The following CFAP43 variants were observed in gnomAD, a reference collection of about 807,000 sequenced individuals.
CFAP43 encodes cilia- and flagella-associated protein 43.
A neutral mutation model predicts 218.9 loss-of-function variants in CFAP43; 155 were observed. The ratio of observed to expected loss-of-function variants is 0.71; its 90% confidence interval spans 0.62 to 0.81. CFAP43 has a LOEUF of 0.81. Ranked by LOEUF, CFAP43 falls within the 30% of genes least tolerant of loss-of-function variation. The pLI, the probability that CFAP43 is intolerant of heterozygous loss-of-function variation, is 0.00. For missense variants in CFAP43, 1,778 were observed against 1,954.3 expected (o/e 0.91, Z 1.70); for synonymous variants, 645 against 681.3 (o/e 0.95, Z 0.83).
In CFAP43 at chr10:104,190,723, C is replaced by T. The variant is rs559531398; in HGVS notation, c.1546+1476G>A. ...GGAGTCATCACTTATCCCTTCCTTT[C>T]GCATCAAATACCAAGTCCTACCAAT... On this transcript the variant is annotated intron_variant, in intron 12 of 37. Coordinates refer to ENST00000357060, the MANE Select transcript of CFAP43 (RefSeq NM_025145.7). Among the ~76,000 whole-genome samples, 6 of 152,322 alleles carry T rather than the reference C, an allele frequency of 3.9e-5. No individual in the cohort carries two copies. In the South Asian group the frequency reaches 6.2e-4, roughly 16 times the overall value.
At chr10:104,155,506 C>T (rs1247949123) in intron 27 of CFAP43, among the ~76,000 whole-genome samples, 9 of 152,032 alleles carry the variant, frequency 5.9e-5, no homozygotes, top group Admixed American at 1.3e-4. Context: ...ACTATATAAC[C>T]GTCTTCACTC....
chr10:104,194,687 AAG>A (rs1375940200), intron 10 of CFAP43, among the ~76,000 whole-genome samples: 2 of 152,264 alleles, frequency 1.3e-5, no homozygotes, highest in Admixed American at 1.3e-4. Flanking sequence ...TATGATGTCT[AAG>A]AGAATAAATT....
At position 104,131,356 on chromosome 10, in the gene CFAP43, C is replaced by T. The variant is rs1376555733; in HGVS notation, c.4806G>A (p.Glu1602=). The change falls in exon 37 of 38, where the codon GAG becomes GAA. Residue 1602 remains glutamate, a synonymous_variant. Transcript: ENST00000357060. ...NLREELVAVS[E]RKDICNAMGS... is the part of the protein sequence containing the mutation. ...CCATTGCATTACAGATGTCTTTTCT[C>T]TCTGAGACAGCTACCAACTCTTCTC... The T allele has an allele frequency of 6.2e-7, 1 of 1,612,870 alleles. No homozygotes were observed.
At chr10:104,188,228 T>C in intron 13 of CFAP43, 42 bp downstream of exon 13, 1 of 1,602,164 alleles carries the variant, frequency 6.2e-7, no homozygotes, top group South Asian at 1.1e-5. Context: ...CAACAATGTA[T>C]CTGGGCTCAG....
chr10:104,136,659 A>T (rs1263979499), intron 34 of CFAP43, among the ~76,000 whole-genome samples: 2 of 152,142 alleles, frequency 1.3e-5, no homozygotes, highest in Non-Finnish European at 2.9e-5. Flanking sequence ...GAGCCACCGC[A>T]CACGGCCTGA....
Position 104,132,139 on chromosome 10 carries a change from G to A in CFAP43, c.4654C>T (p.Gln1552Ter). 1 of 1,604,872 alleles carries A rather than the reference G, an allele frequency of 6.2e-7. No individual in the cohort carries two copies. Among genetic ancestry groups the A allele is most frequent in the South Asian group, 1.1e-5 (1 of 88,498 alleles). The change falls in exon 36 of 38, where the codon CAA becomes TAA. Residue 1552 changes from glutamine (Q) to a stop codon, truncating the protein, a stop_gained. Coordinates refer to ENST00000357060, the MANE Select transcript of CFAP43 (RefSeq NM_025145.7). LOFTEE classifies it high-confidence loss of function. ...ACCTTATCTAAAACAGCAATGGTTTGTTCCATTATTCCAATCTGAATACTA... is the reference window on the plus strand; with the variant it reads ...ACCTTATCTAAAACAGCAATGGTTTATTCCATTATTCCAATCTGAATACTA... ...LISIQIGIME[Q>*]TIAVLDKMHK...
At position 104,180,774 on chromosome 10, in the gene CFAP43, C is replaced by T. The variant is rs1589719201; in HGVS notation, c.2290-842G>A. 2.0e-5 allele frequency among the ~76,000 whole-genome samples: 3 copies of T among 152,078 alleles called. No homozygotes were observed. In the South Asian group the frequency reaches 6.2e-4, roughly 32 times the overall value. ...GCCCACCACCCTGTTTCTATGCTCC[C>T]CTTTGCAGCAAAATGTCTTGAAAGA... On this transcript the variant is annotated intron_variant, in intron 17 of 37. Coordinates refer to ENST00000357060, the MANE Select transcript of CFAP43 (RefSeq NM_025145.7).
chr10:104,166,726 T>A lies in CFAP43; in HGVS notation c.2809-8A>T. The stretch of plus-strand genomic sequence containing the variant: ...TACAATTTCCTTCCGTAGCTACATG[T>A]AGAAAAAGATGACACAGAAGTTATG... On this transcript the variant is annotated splice_polypyrimidine_tract_variant and splice_region_variant and intron_variant, in intron 22 of 37. Coordinates refer to ENST00000357060, the MANE Select transcript of CFAP43 (RefSeq NM_025145.7). The A allele has an allele frequency of 6.3e-7, 1 of 1,591,176 alleles. No homozygotes were observed. Among genetic ancestry groups the A allele is most frequent in the Non-Finnish European group, 8.6e-7 (1 of 1,168,754 alleles).
At chr10:104,162,108 G>A in intron 25 of CFAP43, 67 bp from the exon 26 acceptor site, 1 of 1,502,114 alleles carries the variant, frequency 6.7e-7, no homozygotes, top group Non-Finnish European at 9.2e-7. Flanking sequence ...TGGCTCCAGA[G>A]GCAGCTTCCC....
intron 23 of CFAP43, 123 bp downstream of exon 23, chr10:104,166,365 C>T (rs753774302): frequency 4.1e-6 from 3 of 731,822 alleles, no homozygotes; most frequent in South Asian, 1.9e-5. Context: ...AGCCACTGTG[C>T]CCAGCCTCCT....
Position 104,161,019 on chromosome 10 carries a change from A to C in CFAP43, c.3540+18T>G. Reference sequence around the variant, plus strand: ...ACTCTGGATATGGTAGGTTATATTAATTATTTGCTCTTCTGACCTTTCTAT... The same window carrying C: ...ACTCTGGATATGGTAGGTTATATTACTTATTTGCTCTTCTGACCTTTCTAT... On this transcript the variant is annotated intron_variant, in intron 27 of 37. Transcript: ENST00000357060. 6.3e-7 allele frequency: 1 copy of C among 1,589,208 alleles called. No individual in the cohort carries two copies. The highest frequency in any genetic ancestry group is 1.4e-5 in the African/African-American group (1 of 74,050).
At chr10:104,139,751 G>A (rs544206337) in intron 34 of CFAP43, among the ~76,000 whole-genome samples, 24 of 111,254 alleles carry the variant, frequency 2.2e-4, no homozygotes, top group African/African-American at 6.2e-4. Context: ...TTAAGCAGAA[G>A]GTAAATGATA....
intron 8 of CFAP43, among the ~76,000 whole-genome samples, chr10:104,202,887 G>A (rs1035311488): frequency 2.7e-5 from 4 of 150,680 alleles, no homozygotes; most frequent in African/African-American, 9.8e-5. Context: ...TTAAATTTAA[G>A]TTTCTTTCAG....
intron 27 of CFAP43, among the ~76,000 whole-genome samples, chr10:104,159,357 G>C (rs2088751393): frequency 1.3e-5 from 2 of 152,164 alleles, no homozygotes; most frequent in African/African-American, 4.8e-5. Context: ...ACAGTAGAAA[G>C]AACTCAAGCA....
At position 104,192,222 on chromosome 10, in the gene CFAP43, G is replaced by A. The variant is rs2090249556; in HGVS notation, c.1523C>T (p.Ser508Leu). Reference sequence around the variant, plus strand: ...ACCTGTGAATCCAATAATCTGAAATGAGCTTGAGGAGTTGGCATTGATAAT... The same window carrying A: ...ACCTGTGAATCCAATAATCTGAAATAAGCTTGAGGAGTTGGCATTGATAAT... ...VFIINANSSS[S>L]FQIIGFTEVA... is the part of the protein sequence containing the mutation. The change falls in exon 12 of 38, where the codon TCA becomes TTA. Residue 508 changes from serine to leucine, a missense_variant. Coordinates refer to ENST00000357060, the MANE Select transcript of CFAP43 (RefSeq NM_025145.7). 6.2e-7 allele frequency: 1 copy of A among 1,611,898 alleles called. No individual in the cohort carries two copies. Among genetic ancestry groups the A allele is most frequent in the Non-Finnish European group, 8.5e-7 (1 of 1,178,904 alleles).
chr10:104,203,652 G>A lies in CFAP43; in HGVS notation c.1095+20C>T, dbSNP rs144735092. The A allele has an allele frequency of 6.3e-7, 1 of 1,584,506 alleles. No homozygotes were observed. Among genetic ancestry groups the A allele is most frequent in the Admixed American group, 1.8e-5 (1 of 54,098 alleles). ...ATACTATCTGAAAATCACATATCAAGAAATTACCATCCAACATACCTTGTC... is the reference window on the plus strand; with the variant it reads ...ATACTATCTGAAAATCACATATCAAAAAATTACCATCCAACATACCTTGTC... On this transcript the variant is annotated intron_variant, in intron 8 of 37. Transcript: ENST00000357060.
chr10:104,187,408 G>A lies in CFAP43; in HGVS notation c.1772C>T (p.Ser591Phe), dbSNP rs1388264975. The A allele has an allele frequency of 1.2e-6, 2 of 1,611,354 alleles. No homozygotes were observed. The highest frequency in any genetic ancestry group is 1.1e-5 in the South Asian group (1 of 90,492). ...KYLYELEHALSSAVLGFQSNQ... is the reference protein window; with the variant it reads ...KYLYELEHALFSAVLGFQSNQ... ...ACTTTGAAAGCCCAAGACTGCAGAG[G>A]ACAGAGCGTGCTCCAACTCATACAG... Residue 591 changes from serine (S) to phenylalanine (F), a missense_variant, in exon 14 of 38, where the codon TCC becomes TTC. By Grantham distance (155) the Ser-to-Phe change is radical (BLOSUM62 -2). This residue lies in a region of CFAP43 where 1,553 missense variants were observed against 1,685.2 expected (regional missense o/e 0.92). Transcript: ENST00000357060.
At chr10:104,189,846 A>C (rs540962635) in intron 12 of CFAP43, among the ~76,000 whole-genome samples, 16 of 152,186 alleles carry the variant, frequency 1.1e-4, no homozygotes, top group African/African-American at 3.1e-4. Flanking sequence ...CTACTAAAAA[A>C]CAAAACAAAA....
intron 16 of CFAP43, 28 bp downstream of exon 16, chr10:104,184,988 G>A (rs1165943710): frequency 6.2e-7 from 1 of 1,611,462 alleles, no homozygotes; most frequent in Non-Finnish European, 8.5e-7. Context: ...TATACTACAT[G>A]GGGTTACTTA....
Sources: allele counts gnomAD v4.1 joint callset (sites outside exome capture counted in the v4.1 genomes callset), GRCh38; gene constraint gnomAD v4.1.1; regional missense constraint gnomAD v4.1.1; transcripts MANE v1.5; gene names NCBI Gene and HGNC (gene_info 2026-07-23, HGNC 2026-07-21).